INTS8: variants seen among roughly 807,000 people sequenced by gnomAD.
The protein encoded by INTS8 is integrator complex subunit 8, also known as protein kaonashi-1.
A neutral mutation model predicts 138.9 loss-of-function variants in INTS8; 47 were observed. That is an observed-to-expected ratio of 0.34 (90% CI 0.27 to 0.43). The LOEUF (loss-of-function observed/expected upper bound fraction) is 0.43. Ranked by LOEUF, INTS8 falls within the 20% of genes least tolerant of loss-of-function variation. The pLI is 1.00. For missense variants in INTS8, 996 were observed against 1,173.0 expected (o/e 0.85, Z 2.20); for synonymous variants, 392 against 400.9 (o/e 0.98, Z 0.27).
chr8:94,873,605 C>T (rs1816477812), intron 22 of INTS8, 128 bp downstream of exon 22: 1 of 667,624 alleles, frequency 1.5e-6, no homozygotes, highest in Non-Finnish European at 2.7e-6. Flanking sequence ...GGCTCTAGAA[C>T]ACATTGCTCT....
intron 16 of INTS8, among the ~76,000 whole-genome samples, chr8:94,862,825 C>A (rs919856391): frequency 1.3e-5 from 2 of 152,008 alleles, no homozygotes; most frequent in Non-Finnish European, 2.9e-5. Flanking sequence ...GAATCAGTTT[C>A]CACACTTCCA....
At chr8:94,873,956 G>A (rs1816489943) in intron 22 of INTS8, among the ~76,000 whole-genome samples, 1 of 151,042 alleles carries the variant, frequency 6.6e-6, no homozygotes, top group Admixed American at 6.6e-5. Flanking sequence ...AATTTCTTTG[G>A]TATATATTTA....
chr8:94,823,839 G>A (rs1814378374), intron 1 of INTS8, among the ~76,000 whole-genome samples: 1 of 152,214 alleles, frequency 6.6e-6, no homozygotes, highest in African/African-American at 2.4e-5. Flanking sequence ...TTTACTGTTG[G>A]GGTTTTAGAG....
At chr8:94,843,574 A>T (rs1209077523) in intron 10 of INTS8, among the ~76,000 whole-genome samples, 1 of 152,134 alleles carries the variant, frequency 6.6e-6, no homozygotes, top group African/African-American at 2.4e-5. Context: ...CTCAAAAAAA[A>T]AAAAGTTAGA....
At chr8:94,838,408 A>G (rs1815012511) in intron 7 of INTS8, 55 bp from the exon 8 acceptor site, 2 of 1,416,912 alleles carry the variant, frequency 1.4e-6, no homozygotes, top group Middle Eastern at 2.2e-4. Flanking sequence ...AGGGGGTGCT[A>G]GACTATTGTT....
chr8:94,835,195 G>A (rs184805240), intron 6 of INTS8, among the ~76,000 whole-genome samples: 68 of 152,238 alleles, frequency 4.5e-4, no homozygotes, highest in Admixed American at 2.5e-3. Context: ...AGAATATTAC[G>A]AGCTTAGGAA....
At chr8:94,861,450 A>G (rs1372379740) in intron 16 of INTS8, among the ~76,000 whole-genome samples, 1 of 150,696 alleles carries the variant, frequency 6.6e-6, no homozygotes, top group African/African-American at 2.4e-5. Context: ...TTTAGTGGTG[A>G]CGGGGTTTCA....
chr8:94,834,281 T>G (rs1408139248), intron 6 of INTS8, among the ~76,000 whole-genome samples: 3 of 152,080 alleles, frequency 2.0e-5, no homozygotes, highest in Non-Finnish European at 2.9e-5. Context: ...CTTGAAAATA[T>G]GTTTTTGGTA....
chr8:94,852,692 A>G (rs7832415), intron 13 of INTS8, among the ~76,000 whole-genome samples: 5,483 of 151,650 alleles, frequency 0.036, 107 homozygotes, highest in African/African-American at 0.044. Context: ...GGGTTCAAGC[A>G]ATTCTCCTTC....
chr8:94,830,072 T>G (rs150074541), intron 5 of INTS8, among the ~76,000 whole-genome samples: 2 of 152,166 alleles, frequency 1.3e-5, no homozygotes, highest in African/African-American at 2.4e-5. Context: ...ATTTTTTGTA[T>G]TTTTAGTAGA....
chr8:94,876,380 AAT>A (rs1816564452), intron 25 of INTS8, 64 bp from the exon 26 acceptor site: 1 of 1,422,038 alleles, frequency 7.0e-7, no homozygotes, highest in African/African-American at 1.4e-5. Context: ...CAAAACTGAA[AAT>A]GAGTTGAGAT....
intron 6 of INTS8, among the ~76,000 whole-genome samples, chr8:94,833,438 G>A (rs763075314): frequency 2.6e-5 from 4 of 151,342 alleles, no homozygotes; most frequent in Non-Finnish European, 1.5e-5. Context: ...GGCTGGTCTC[G>A]GAACTCCTGG....
At chr8:94,861,166 T>A (rs1440313344) in intron 16 of INTS8, among the ~76,000 whole-genome samples, 1 of 151,876 alleles carries the variant, frequency 6.6e-6, no homozygotes, top group African/African-American at 2.4e-5. Context: ...CCTTCACGTA[T>A]GTCCTTTTAA....
chr8:94,860,824 G>C (rs1815933259), intron 16 of INTS8, among the ~76,000 whole-genome samples: 1 of 151,964 alleles, frequency 6.6e-6, no homozygotes, highest in Non-Finnish European at 1.5e-5. Context: ...GGGAGGCCGA[G>C]ACGGGCAGAT....
rs773084730 is a variant in INTS8 at position 94,881,627 on chromosome 8, C to CTTCTT, written c.*1395_*1399dup. 1 of 1,610,800 alleles carries CTTCTT rather than the reference C, an allele frequency of 6.2e-7. No individual in the cohort carries two copies. The highest frequency in any genetic ancestry group is 1.3e-5 in the African/African-American group (1 of 74,568). ...AATTCCAACTTGTTTGCTTAGTTAT[C>CTTCTT]TTCTTTAGTGTTTTCCTGGTGGTTT... On this transcript the variant is annotated 3_prime_UTR_variant, in exon 27 of 27. Transcript: ENST00000523731.
chr8:94,836,892 C>G (rs1460439102), intron 7 of INTS8, among the ~76,000 whole-genome samples: 1 of 151,986 alleles, frequency 6.6e-6, no homozygotes, highest in African/African-American at 2.4e-5. Context: ...TACTCTGTAT[C>G]TTGCTTAAAT....
chr8:94,823,691 G>C lies in INTS8; in HGVS notation c.130+130G>C, dbSNP rs1814368200. 1.6e-5 allele frequency: 11 copies of C among 702,558 alleles called. No homozygotes were observed. The South Asian group carries it at 2.2e-4, about 14-fold the overall frequency. The allele number at this position is 702,558 out of a possible 1,614,324, so 43.5% of individuals were successfully genotyped here. A position where few individuals can be genotyped will look rare whatever the true frequency, so the allele number is the denominator to read the frequency against. The stretch of plus-strand genomic sequence containing the variant: ...GAGGCGCGCACAGGAGCCCAGCTCC[G>C]GCCGGGCTCCTCGCTTCCCTTAAAC... On this transcript the variant is annotated intron_variant, in intron 1 of 26. Transcript: ENST00000523731.
At chr8:94,860,240 C>G (rs1182925621) in intron 16 of INTS8, 1 of 151,642 alleles carries the variant, frequency 6.6e-6, no homozygotes, top group South Asian at 2.1e-4. Context: ...TATACACACT[C>G]TGAGTAAGTA....
At chr8:94,857,950 GT>G (rs1456553262) in intron 15 of INTS8, among the ~76,000 whole-genome samples, 1 of 152,220 alleles carries the variant, frequency 6.6e-6, no homozygotes, top group Non-Finnish European at 1.5e-5. Context: ...ACAGATTGAA[GT>G]TTTATTTCCT....
Sources: gnomAD v4.1 joint callset for allele counts (sites outside exome capture counted in the v4.1 genomes callset) on GRCh38, gnomAD v4.1.1 for gene constraint, MANE v1.5 for transcripts, NCBI Gene and HGNC (gene_info 2026-07-23, HGNC 2026-07-21) for gene names.